The following CSMD1 variants were observed in gnomAD, a reference collection of about 807,000 sequenced individuals.
CSMD1 encodes CUB and sushi domain-containing protein 1.
A neutral mutation model predicts 417.5 loss-of-function variants in CSMD1; 213 were observed. That is an observed-to-expected ratio of 0.51 (90% CI 0.46 to 0.57). The LOEUF is 0.57. Among genes scored for constraint, CSMD1 ranks in the 20% least tolerant of loss-of-function variants. The pLI is 0.00. For missense variants in CSMD1, 6,923 were observed against 4,529.7 expected, an observed-to-expected ratio of 1.53 and a Z score of -15.17; for synonymous variants, 2,862 against 1,736.8, an observed-to-expected ratio of 1.65 and a Z score of -16.11.
chr8:4,142,153 A>G lies in CSMD1; in HGVS notation c.416-110054T>C, dbSNP rs1036993158. 1.1e-4 allele frequency among the ~76,000 whole-genome samples: 17 copies of G among 151,210 alleles called. 2 individuals carry two copies. Among genetic ancestry groups the G allele is most frequent in the African/African-American group, 3.7e-4 (15 of 40,496 alleles). ...CACATATGTAAAACATATGTTAAAA[A>G]TGATACTGGTGAATACCATCATGAC... On this transcript the variant is annotated intron_variant, in intron 3 of 69. Coordinates refer to ENST00000635120, the MANE Select transcript of CSMD1 (RefSeq NM_033225.6).
At chr8:3,617,643 T>A (rs556463785) in intron 7 of CSMD1, among the ~76,000 whole-genome samples, 3 of 152,272 alleles carry the variant, frequency 2.0e-5, no homozygotes, top group East Asian at 1.9e-4. Flanking sequence ...TGTAGAACTA[T>A]TGCTGCCATT....
intron 3 of CSMD1, among the ~76,000 whole-genome samples, chr8:4,281,629 T>G (rs1796790125): frequency 6.6e-6 from 1 of 152,200 alleles, no homozygotes; most frequent in South Asian, 2.1e-4. Context: ...CTTTTAACTT[T>G]TATGTTGGGC....
At chr8:3,222,487 T>G (rs1383012624) in intron 28 of CSMD1, among the ~76,000 whole-genome samples, 2 of 151,416 alleles carry the variant, frequency 1.3e-5, no homozygotes, top group Non-Finnish European at 2.9e-5. Context: ...TTTTTAAAAT[T>G]TTTTGTAGTG....
chr8:3,427,549 G>A (rs1360629698), intron 12 of CSMD1, among the ~76,000 whole-genome samples: 1 of 151,904 alleles, frequency 6.6e-6, no homozygotes, highest in African/African-American at 2.4e-5. Context: ...ATCAATATAG[G>A]TGTATGGAAA....
rs539607514 is a variant in CSMD1, at chr8:3,190,850, G to C, written c.5195-735C>G. Among the ~76,000 whole-genome samples, 4 of 152,290 alleles carry C rather than the reference G, an allele frequency of 2.6e-5. No homozygotes were observed. In the East Asian group the frequency reaches 5.8e-4, roughly 22 times the overall value. On this transcript the variant is annotated intron_variant, in intron 33 of 69. Coordinates refer to ENST00000635120, the MANE Select transcript of CSMD1 (RefSeq NM_033225.6). ...GAGGACATCGTGCTAAGTGAAATAAGCAAATAAGCAGCCACAGAAGAACGA... is the reference window on the plus strand; with the variant it reads ...GAGGACATCGTGCTAAGTGAAATAACCAAATAAGCAGCCACAGAAGAACGA...
At chr8:3,737,952 A>C (rs1796608111) in intron 6 of CSMD1, among the ~76,000 whole-genome samples, 1 of 152,234 alleles carries the variant, frequency 6.6e-6, no homozygotes, top group Admixed American at 6.5e-5. Context: ...AAATTCTTAA[A>C]AGAAACAACT....
At chr8:4,570,771 C>T (rs931592281) in intron 2 of CSMD1, among the ~76,000 whole-genome samples, 1 of 152,220 alleles carries the variant, frequency 6.6e-6, no homozygotes, top group South Asian at 2.1e-4. Context: ...TCTGTCTGTC[C>T]TGGGCTTTTA....
chr8:3,647,784 G>A (rs573798456), intron 7 of CSMD1, among the ~76,000 whole-genome samples: 37 of 152,346 alleles, frequency 2.4e-4, no homozygotes, highest in Non-Finnish European at 5.0e-4. Flanking sequence ...GAGAGAAAGA[G>A]AGAGAGATAT....
chr8:3,056,370 T>C (rs1472043728), intron 49 of CSMD1, among the ~76,000 whole-genome samples: 1 of 152,144 alleles, frequency 6.6e-6, no homozygotes, highest in Non-Finnish European at 1.5e-5. Context: ...TTCTCTGTTT[T>C]TTTCTTTTTT....
intron 3 of CSMD1, among the ~76,000 whole-genome samples, chr8:4,397,868 A>C (rs886825865): frequency 5.3e-5 from 8 of 152,144 alleles, no homozygotes; most frequent in Non-Finnish European, 1.0e-4. Flanking sequence ...TAATTAAAAC[A>C]ATTTTCTTCC....
At chr8:3,671,556 TGATC>T (rs1214214965) in intron 7 of CSMD1, among the ~76,000 whole-genome samples, 1,032 of 10,068 alleles carry the variant, frequency 0.1, 179 homozygotes, top group Non-Finnish European at 0.12. Context: ...ATCATATATA[TGATC>T]ATATATATAT....
intron 5 of CSMD1, among the ~76,000 whole-genome samples, chr8:3,795,880 ATCTATCATGTACAGATATATATATC>A (rs1563088510): frequency 5.5e-5 from 4 of 72,454 alleles, no homozygotes; most frequent in African/African-American, 2.0e-4. Flanking sequence ...ATAGATATAT[ATCTATCATGTACAGATATATATATC>A]ATGTACAGAT....
intron 3 of CSMD1, among the ~76,000 whole-genome samples, chr8:4,110,816 T>C (rs1021691484): frequency 2.6e-5 from 4 of 152,188 alleles, no homozygotes; most frequent in Non-Finnish European, 5.9e-5. Context: ...TTAAATGTTC[T>C]GCTTCTATTT....
intron 8 of CSMD1, among the ~76,000 whole-genome samples, chr8:3,592,708 G>T (rs929166240): frequency 6.6e-6 from 1 of 152,024 alleles, no homozygotes; most frequent in Admixed American, 6.6e-5. Context: ...GTGTGTGTGT[G>T]TGAGTATGCA....
At chr8:4,687,836 TACACAC>T (rs35687334) in intron 1 of CSMD1, among the ~76,000 whole-genome samples, 97 of 149,192 alleles carry the variant, frequency 6.5e-4, no homozygotes, top group Middle Eastern at 3.4e-3. Context: ...CATACATACA[TACACAC>T]ACACACACAC....
At chr8:4,407,656 T>C (rs749863689) in intron 3 of CSMD1, among the ~76,000 whole-genome samples, 9 of 152,230 alleles carry the variant, frequency 5.9e-5, no homozygotes, top group Non-Finnish European at 1.3e-4. Context: ...ATTAGTGCCT[T>C]TGTCTTTGTG....
At chr8:4,579,236 C>A (rs910781520) in intron 2 of CSMD1, among the ~76,000 whole-genome samples, 1 of 151,120 alleles carries the variant, frequency 6.6e-6, no homozygotes, top group East Asian at 2.0e-4. Context: ...CTCATGCCAA[C>A]GGCGAAGTTT....
At chr8:4,021,656 TTC>T (rs1383730081) in intron 4 of CSMD1, among the ~76,000 whole-genome samples, 3 of 152,192 alleles carry the variant, frequency 2.0e-5, no homozygotes, top group Admixed American at 1.3e-4. Context: ...CCCATCCCTT[TTC>T]TCTTTTGGCG....
chr8:3,396,010 G>A (rs1012282151), intron 17 of CSMD1, among the ~76,000 whole-genome samples, 184 bp downstream of exon 17: 2 of 152,174 alleles, frequency 1.3e-5, no homozygotes, highest in African/African-American at 4.8e-5. Context: ...TTAAAAGGCA[G>A]TAATTCCAAG....
Sources: gnomAD v4.1 joint callset for allele counts (sites outside exome capture counted in the v4.1 genomes callset) on GRCh38, gnomAD v4.1.1 for gene constraint, MANE v1.5 for transcripts, NCBI Gene and HGNC (gene_info 2026-07-23, HGNC 2026-07-21) for gene names.